The following NAA30 variants were observed in gnomAD, a reference collection of about 807,000 sequenced individuals.
NAA30 encodes the protein N-alpha-acetyltransferase 30, NatC catalytic subunit.
NAA30 carries 5 observed loss-of-function variants against 31.4 expected under a neutral mutation model. The observed-to-expected ratio is 0.16, with a 90% CI of 0.08 to 0.33. The LOEUF is 0.33. Ranked by LOEUF, NAA30 falls within the 10% of genes least tolerant of loss-of-function variation. The pLI, the probability that NAA30 is intolerant of heterozygous loss-of-function variation, is 1.00. For missense variants in NAA30, 428 were observed against 490.8 expected (o/e 0.87, Z 1.21); for synonymous variants, 222 against 207.1 (o/e 1.07, Z -0.62).
Position 57,391,759 on chromosome 14 carries a change from C to CCAGCAG in NAA30, c.771+32_771+37dup. ...TGGATAGAATAAAAAGAGGGTGAAC[C>CCAGCAG]CAGCAGTGATCGAGACTGTGCGGGG... On this transcript the variant is annotated intron_variant, in intron 2 of 4. Coordinates refer to ENST00000556492, the MANE Select transcript of NAA30 (RefSeq NM_001011713.3). This position sits in a 1 kb window ranked among gnomAD's most constrained non-coding sequence, Gnocchi z 4.1. The CCAGCAG allele has an allele frequency of 6.4e-7, 1 of 1,554,742 alleles. No homozygotes were observed. Among genetic ancestry groups the CCAGCAG allele is most frequent in the South Asian group, 1.2e-5 (1 of 82,350 alleles).
In NAA30 at chr14:57,414,237, T is replaced by G. The variant is rs1014387048; in HGVS notation, c.*4721T>G. ...TAGCAAGACTGTTTCTGAAAAATCTTTTAAAATAACACAACTAAAAATTAC... is the reference window on the plus strand; with the variant it reads ...TAGCAAGACTGTTTCTGAAAAATCTGTTAAAATAACACAACTAAAAATTAC... On this transcript the variant is annotated 3_prime_UTR_variant, in exon 5 of 5. Coordinates refer to ENST00000556492, the MANE Select transcript of NAA30 (RefSeq NM_001011713.3). 6 of 152,228 alleles carry G rather than the reference T, an allele frequency of 3.9e-5. No individual in the cohort carries two copies. Among genetic ancestry groups the G allele is most frequent in the African/African-American group, 1.4e-4 (6 of 41,468 alleles). The allele number at this position is 152,228 out of a possible 1,614,324, so 9.4% of individuals were successfully genotyped here. A position where few individuals can be genotyped will look rare whatever the true frequency, so the allele number is the denominator to read the frequency against.
chr14:57,410,769 GT>G lies in NAA30; in HGVS notation c.*1254del, dbSNP rs1210136354. ...AGCCACCATGTTTATTAGTTACATT[GT>G]GTTTTGGCCAATCAGTGCAATGTAA... On this transcript the variant is annotated 3_prime_UTR_variant, in exon 5 of 5. Transcript: ENST00000556492. 6.6e-6 allele frequency: 1 copy of G among 152,322 alleles called. No homozygotes were observed. The highest frequency in any genetic ancestry group is 1.5e-5 in the Non-Finnish European group (1 of 67,928). The allele number at this position is 152,322 out of a possible 1,614,324, so 9.4% of individuals were successfully genotyped here.
At chr14:57,404,270 C>T (rs766383370) in intron 4 of NAA30, among the ~76,000 whole-genome samples, 52 of 152,070 alleles carry the variant, frequency 3.4e-4, no homozygotes, top group Non-Finnish European at 5.9e-4. Flanking sequence ...TGCAGTGAGC[C>T]GAGATCGCGC....
Position 57,413,583 on chromosome 14 carries a change from C to G in NAA30, c.*4067C>G, listed in dbSNP as rs1363278474. On this transcript the variant is annotated 3_prime_UTR_variant, in exon 5 of 5. Transcript: ENST00000556492. ...CTTGGCTCACTGCAACCTCTGCCCC[C>G]TGGGTTCAAGCAATTCTTGTGCCTT... 1 of 152,342 alleles carries G rather than the reference C, an allele frequency of 6.6e-6. No individual in the cohort carries two copies. The highest frequency in any genetic ancestry group is 1.9e-4 in the East Asian group (1 of 5,182). The allele number at this position is 152,342 out of a possible 1,614,324, so 9.4% of individuals were successfully genotyped here.
chr14:57,411,396 A>G lies in NAA30; in HGVS notation c.*1880A>G, dbSNP rs966068845. 6.6e-6 allele frequency: 1 copy of G among 152,186 alleles called. No individual in the cohort carries two copies. The highest frequency in any genetic ancestry group is 2.4e-5 in the African/African-American group (1 of 41,464). The allele number at this position is 152,186 out of a possible 1,614,324, so 9.4% of individuals were successfully genotyped here. On this transcript the variant is annotated 3_prime_UTR_variant, in exon 5 of 5. Coordinates refer to ENST00000556492, the MANE Select transcript of NAA30 (RefSeq NM_001011713.3). ...CACAGTGATGCTTTTGTTATTTAAT[A>G]TGAAGGAAATGGAACTAAAACATTT...
At chr14:57,401,078 T>A (rs2066474856) in intron 4 of NAA30, among the ~76,000 whole-genome samples, 1 of 152,216 alleles carries the variant, frequency 6.6e-6, no homozygotes, top group Non-Finnish European at 1.5e-5. Flanking sequence ...TCTCATTTTT[T>A]AAACACACCT....
At chr14:57,398,550 T>C (rs2066460642) in intron 3 of NAA30, among the ~76,000 whole-genome samples, 1 of 152,146 alleles carries the variant, frequency 6.6e-6, no homozygotes, top group South Asian at 2.1e-4. Context: ...CTCTAGCACC[T>C]AGATTCAAGC....
At chr14:57,394,885 T>C (rs1433969687) in intron 2 of NAA30, among the ~76,000 whole-genome samples, 3 of 152,204 alleles carry the variant, frequency 2.0e-5, no homozygotes, top group African/African-American at 7.2e-5. Flanking sequence ...ATACAGGTTT[T>C]CATTTCACCT....
rs942284115 is a variant in NAA30 at position 57,413,193 on chromosome 14, G to C, written c.*3677G>C. ...CCAAAGAGCTTTTTGCCCCTGTCTT[G>C]TGAGGAGCTTTAAATAGCTGTGAAT... On this transcript the variant is annotated 3_prime_UTR_variant, in exon 5 of 5. Coordinates refer to ENST00000556492, the MANE Select transcript of NAA30 (RefSeq NM_001011713.3). 6.1e-5 allele frequency: 9 copies of C among 146,788 alleles called. No homozygotes were observed. The highest frequency in any genetic ancestry group is 1.4e-4 in the Admixed American group (2 of 14,608). The allele number at this position is 146,788 out of a possible 1,614,324, so 9.1% of individuals were successfully genotyped here. A position where few individuals can be genotyped will look rare whatever the true frequency, so the allele number is the denominator to read the frequency against.
At chr14:57,406,705 C>A (rs758563158) in intron 4 of NAA30, among the ~76,000 whole-genome samples, 1 of 152,086 alleles carries the variant, frequency 6.6e-6, no homozygotes, top group African/African-American at 2.4e-5. Flanking sequence ...TTTAGTGTTT[C>A]TCATATTAAA....
At chr14:57,393,187 A>G (rs1368002254) in intron 2 of NAA30, among the ~76,000 whole-genome samples, 1 of 152,222 alleles carries the variant, frequency 6.6e-6, no homozygotes, top group Non-Finnish European at 1.5e-5. Context: ...ATAGTTGTGT[A>G]TATGATATTT....
chr14:57,414,286 C>T lies in NAA30; in HGVS notation c.*4770C>T, dbSNP rs968014372. ...ACCTCTGAGCAAGAGTATAGCTGAACTGTTTATACTGACAATATATTTCAT... is the reference window on the plus strand; with the variant it reads ...ACCTCTGAGCAAGAGTATAGCTGAATTGTTTATACTGACAATATATTTCAT... On this transcript the variant is annotated 3_prime_UTR_variant, in exon 5 of 5. Coordinates refer to ENST00000556492, the MANE Select transcript of NAA30 (RefSeq NM_001011713.3). The T allele has an allele frequency of 6.6e-6, 1 of 152,324 alleles. No individual in the cohort carries two copies. Among genetic ancestry groups the T allele is most frequent in the East Asian group, 1.9e-4 (1 of 5,182 alleles). The allele number at this position is 152,324 out of a possible 1,614,324, so 9.4% of individuals were successfully genotyped here.
rs1200061995 is a variant in NAA30, at chr14:57,409,703, A to G, written c.*187A>G. ...TGGCACATTTGTTCTGAATTAAAAG[A>G]TTGTTTTAAACTTCAGGAGTTCTTT... On this transcript the variant is annotated 3_prime_UTR_variant, in exon 5 of 5. Transcript: ENST00000556492. 2.0e-6 allele frequency: 1 copy of G among 489,156 alleles called. No homozygotes were observed. Among genetic ancestry groups the G allele is most frequent in the Non-Finnish European group, 3.3e-6 (1 of 299,252 alleles). The allele number at this position is 489,156 out of a possible 1,614,324, so 30.3% of individuals were successfully genotyped here.
At chr14:57,396,373 A>G (rs547131174) in intron 2 of NAA30, among the ~76,000 whole-genome samples, 6 of 150,752 alleles carry the variant, frequency 4.0e-5, no homozygotes, top group African/African-American at 1.5e-4. Context: ...TTTTCTTTAT[A>G]ATCATTTTTT....
At chr14:57,390,819 A>C (rs1179696423) in intron 1 of NAA30, 114 bp downstream of exon 1, 1 of 785,510 alleles carries the variant, frequency 1.3e-6, no homozygotes, top group Non-Finnish European at 1.8e-6. Flanking sequence ...GGTGGCGGGG[A>C]ATTGGGGGGC....
chr14:57,404,653 G>A (rs1594752847), intron 4 of NAA30, among the ~76,000 whole-genome samples: 1 of 152,124 alleles, frequency 6.6e-6, no homozygotes, highest in South Asian at 2.1e-4. Context: ...AGAGTACCAC[G>A]TTGGATTTAC....
chr14:57,391,451 C>T lies in NAA30; in HGVS notation c.494C>T (p.Ala165Val), dbSNP rs1409495402. 3.1e-6 allele frequency: 5 copies of T among 1,609,308 alleles called. No individual in the cohort carries two copies. Among genetic ancestry groups the T allele is most frequent in the African/African-American group, 1.3e-5 (1 of 74,872 alleles). Residue 165 changes from alanine to valine, a missense_variant, in exon 2 of 5, where the codon GCC becomes GTC. Physicochemically the swap from Ala to Val is moderately conservative, Grantham distance 64. Coordinates refer to ENST00000556492, the MANE Select transcript of NAA30 (RefSeq NM_001011713.3). The surrounding 1 kb of genome is among the most constrained non-coding windows in gnomAD (Gnocchi z 4.1). ...GCGGCGGCGAGCGATCCCGCGGCGG[C>T]CCGCAATGGACTGGCCGAGGGCACC... ...EAAAASDPAAARNGLAEGTEQ... is the reference protein window; with the variant it reads ...EAAAASDPAAVRNGLAEGTEQ...
rs1169227930 is a variant in NAA30, at chr14:57,391,435, A to G, written c.478A>G (p.Ser160Gly). The change falls in exon 2 of 5, where the codon AGC becomes GGC. Residue 160 changes from serine (S) to glycine (G), a missense_variant. Physicochemically the swap from Ser to Gly is moderately conservative, Grantham distance 56. Transcript: ENST00000556492. This position sits in a 1 kb window ranked among gnomAD's most constrained non-coding sequence, Gnocchi z 4.1. ...CAGCCCGGTGGAGGCAGCGGCGGCG[A>G]GCGATCCCGCGGCGGCCCGCAATGG... Reference protein sequence around the residue: ...VPSPVEAAAASDPAAARNGLA... With the variant: ...VPSPVEAAAAGDPAAARNGLA... 1.9e-6 allele frequency: 3 copies of G among 1,607,188 alleles called. No individual in the cohort carries two copies. Among genetic ancestry groups the G allele is most frequent in the Non-Finnish European group, 2.5e-6 (3 of 1,177,100 alleles).
chr14:57,410,695 G>T lies in NAA30; in HGVS notation c.*1179G>T, dbSNP rs1452189534. 6.6e-6 allele frequency: 1 copy of T among 152,064 alleles called. No homozygotes were observed. The highest frequency in any genetic ancestry group is 2.4e-5 in the African/African-American group (1 of 41,406). The allele number at this position is 152,064 out of a possible 1,614,324, so 9.4% of individuals were successfully genotyped here. A position where few individuals can be genotyped will look rare whatever the true frequency, so the allele number is the denominator to read the frequency against. On this transcript the variant is annotated 3_prime_UTR_variant, in exon 5 of 5. Transcript: ENST00000556492. ...CTTTTCTTCTGCCAGAAAAACAAAA[G>T]GGGGAAATGAAAATCTTTTTTGGAA...
Sources: allele counts gnomAD v4.1 joint callset (sites outside exome capture counted in the v4.1 genomes callset), GRCh38; gene constraint gnomAD v4.1.1; non-coding constraint Gnocchi (gnomAD v3.1); transcripts MANE v1.5; gene names NCBI Gene and HGNC (gene_info 2026-07-23, HGNC 2026-07-21).